PLD4: variants seen among roughly 807,000 people sequenced by gnomAD.
The protein encoded by PLD4 is 5'-3' exonuclease PLD4.
A neutral mutation model predicts 52.3 loss-of-function variants in PLD4; 54 were observed. The ratio of observed to expected loss-of-function variants is 1.03; its 90% CI spans 0.83 to 1.30. PLD4 has a LOEUF of 1.30. PLD4 is among the 50% of genes most tolerant of loss of function. PLD4 has a pLI of 0.00. For missense variants in PLD4, 731 were observed against 671.1 expected, an observed-to-expected ratio of 1.09 and a Z score of -0.99; for synonymous variants, 264 against 286.5, an observed-to-expected ratio of 0.92 and a Z score of 0.79.
At chr14:104,926,224 C>T (rs974348158) in intron 1 of PLD4, among the ~76,000 whole-genome samples, 1 of 152,202 alleles carries the variant, frequency 6.6e-6, no homozygotes, top group Non-Finnish European at 1.5e-5. Context: ...GGCCAGCCAG[C>T]TCCTGCCCTG....
chr14:104,927,988 C>A, intron 3 of PLD4, 122 bp downstream of exon 3: 1 of 1,148,476 alleles, frequency 8.7e-7, no homozygotes, highest in Non-Finnish European at 1.2e-6. Flanking sequence ...CAGGAAGGTG[C>A]AGGTCACCAG....
Position 104,932,308 on chromosome 14 carries a change from G to C in PLD4, c.1274G>C (p.Arg425Thr). The C allele has an allele frequency of 6.2e-7, 1 of 1,612,742 alleles. No individual in the cohort carries two copies. Among genetic ancestry groups the C allele is most frequent in the Non-Finnish European group, 8.5e-7 (1 of 1,179,870 alleles). ...VGNHSNIPFS[R>T]VNHSKFMVTE... Reference sequence around the variant, plus strand: ...AACCATTCCAACATCCCATTCAGCAGGGTGAACCACAGCAAGTTCATGGTC... The same window carrying C: ...AACCATTCCAACATCCCATTCAGCACGGTGAACCACAGCAAGTTCATGGTC... The change falls in exon 10 of 11, where the codon AGG becomes ACG. Residue 425 changes from arginine (R) to threonine (T), a missense_variant. Arg to Thr is a moderately conservative substitution (Grantham distance 71). Transcript: ENST00000392593. This position sits in a 1 kb window ranked among gnomAD's most constrained non-coding sequence, Gnocchi z 6.5.
chr14:104,926,479 G>A (rs1897459923), intron 1 of PLD4, among the ~76,000 whole-genome samples: 1 of 152,168 alleles, frequency 6.6e-6, no homozygotes, highest in Non-Finnish European at 1.5e-5. Flanking sequence ...GCGAGTCCCT[G>A]CAGCAGAGGA....
rs928173825 is a variant in PLD4 at position 104,932,156 on chromosome 14, G to A, written c.1203G>A (p.Ala401=). 1.2e-5 allele frequency: 20 copies of A among 1,611,016 alleles called. No individual in the cohort carries two copies. Among genetic ancestry groups the A allele is most frequent in the African/African-American group, 2.7e-5 (2 of 74,894 alleles). The change falls in exon 9 of 11, where the codon GCG becomes GCA. Residue 401 remains alanine (A), a synonymous_variant. Coordinates refer to ENST00000392593, the MANE Select transcript of PLD4 (RefSeq NM_138790.5). The surrounding 1 kb of genome is among the most constrained non-coding windows in gnomAD (Gnocchi z 6.5). ...CCCTGCAGGCGCTCAGCAACCCCGC[G>A]GCCAACGTCTCTGTGGACGTGGTGA... ...LRSLQALSNP[A]ANVSVDVKVF... is the part of the protein sequence containing the mutation.
Position 104,930,048 on chromosome 14 carries a change from G to T in PLD4, c.660G>T (p.Val220=). 1 of 1,613,644 alleles carries T rather than the reference G, an allele frequency of 6.2e-7. No homozygotes were observed. The highest frequency in any genetic ancestry group is 2.2e-5 in the East Asian group (1 of 44,886). The stretch of plus-strand genomic sequence containing the variant: ...TTTTGCACTCCAAATTCTGGGTTGT[G>T]GATGGACGGCACATATACATGGGCA... The part of the protein sequence containing the change: ...RGVLHSKFWV[V]DGRHIYMGSA... The change falls in exon 6 of 11, where the codon GTG becomes GTT. Residue 220 remains valine (V), a synonymous_variant. Transcript: ENST00000392593.
chr14:104,926,253 G>T (rs563681110), intron 1 of PLD4, among the ~76,000 whole-genome samples: 6 of 152,324 alleles, frequency 3.9e-5, no homozygotes, highest in Admixed American at 1.3e-4. Context: ...CTCAGTCAGA[G>T]GCTGGCCAGC....
chr14:104,932,857 A>G lies in PLD4; in HGVS notation c.1414A>G (p.Thr472Ala), dbSNP rs1348529745. The G allele has an allele frequency of 6.2e-7, 1 of 1,604,946 alleles. No individual in the cohort carries two copies. Residue 472 changes from threonine (T) to alanine (A), a missense_variant, in exon 11 of 11, where the codon ACG becomes GCG. Coordinates refer to ENST00000392593, the MANE Select transcript of PLD4 (RefSeq NM_138790.5). This position sits in a 1 kb window ranked among gnomAD's most constrained non-coding sequence, Gnocchi z 6.5. ...QSPGAQPAGA[T>A]VQEQLRQLFE... ...CCCTGGCGCGCAGCCCGCGGGGGCC[A>G]CGGTGCAGGAGCAGCTGCGGCAGCT...
rs748118744 is a variant in PLD4 at position 104,932,274 on chromosome 14, C to A, written c.1240C>A (p.Pro414Thr). The change falls in exon 10 of 11, where the codon CCG (proline) becomes ACG (threonine). Residue 414 changes from proline (P) to threonine (T), a missense_variant. Transcript: ENST00000392593. The surrounding 1 kb of genome is among the most constrained non-coding windows in gnomAD (Gnocchi z 6.5). Reference sequence around the variant, plus strand: ...CTCCCCTAAGAAAGTCTTCATCGTGCCGGTGGGGAACCATTCCAACATCCC... The same window carrying A: ...CTCCCCTAAGAAAGTCTTCATCGTGACGGTGGGGAACCATTCCAACATCCC... ...VSVDVKVFIV[P>T]VGNHSNIPFS... The A allele has an allele frequency of 6.2e-7, 1 of 1,612,726 alleles. No individual in the cohort carries two copies. The highest frequency in any genetic ancestry group is 8.5e-7 in the Non-Finnish European group (1 of 1,179,864).
rs747451776 is a variant in PLD4 at position 104,927,243 on chromosome 14, G to T, written c.90+13G>T. On this transcript the variant is annotated intron_variant, in intron 2 of 10. Coordinates refer to ENST00000392593, the MANE Select transcript of PLD4 (RefSeq NM_138790.5). ...AGAGGCTGGCACGGTAGGACTGGGG[G>T]GCCCCAGGGGGGAGGTGGCTGGGAT... 1 of 1,530,974 alleles carries T rather than the reference G, an allele frequency of 6.5e-7. No homozygotes were observed. The highest frequency in any genetic ancestry group is 1.2e-5 in the South Asian group (1 of 82,600). 94.8% of individuals were successfully genotyped at this position (1,530,974 alleles called of 1,614,324 possible). A position where few individuals can be genotyped will look rare whatever the true frequency, so the allele number is the denominator to read the frequency against.
Position 104,932,416 on chromosome 14 carries a change from C to T in PLD4, c.1321+61C>T. The T allele has an allele frequency of 1.3e-6, 2 of 1,551,088 alleles. No individual in the cohort carries two copies. The highest frequency in any genetic ancestry group is 2.2e-5 in the South Asian group (2 of 89,312). ...GGTGGCCAGGCACGGGCGAGGGAGGCACTGGCTTTGTGACCGGCGTGGACA... is the reference window on the plus strand; with the variant it reads ...GGTGGCCAGGCACGGGCGAGGGAGGTACTGGCTTTGTGACCGGCGTGGACA... On this transcript the variant is annotated intron_variant, in intron 10 of 10. Coordinates refer to ENST00000392593, the MANE Select transcript of PLD4 (RefSeq NM_138790.5). The surrounding 1 kb of genome is among the most constrained non-coding windows in gnomAD (Gnocchi z 6.5).
At chr14:104,927,035 T>A (rs970235687) in intron 1 of PLD4, 106 bp from the exon 2 acceptor site, 62 of 1,005,468 alleles carry the variant, frequency 6.2e-5, no homozygotes, top group Non-Finnish European at 7.4e-5. Flanking sequence ...TGGGGGCTTA[T>A]GTGGGTGTCT....
At chr14:104,931,098 G>A (rs1897630265) in intron 7 of PLD4, among the ~76,000 whole-genome samples, 156 bp downstream of exon 7, 2 of 152,198 alleles carry the variant, frequency 1.3e-5, no homozygotes, top group African/African-American at 4.8e-5. Flanking sequence ...GCCCTGGGGT[G>A]AGCAGCAAGC....
At chr14:104,930,637 C>G in intron 6 of PLD4, 105 bp from the exon 7 acceptor site, 3 of 1,208,618 alleles carry the variant, frequency 2.5e-6, no homozygotes, top group South Asian at 2.7e-5. Context: ...GGGGACCAGT[C>G]GGGCAGGGAC....
chr14:104,929,225 C>A, intron 4 of PLD4, 82 bp from the exon 5 acceptor site: 1 of 1,541,316 alleles, frequency 6.5e-7, no homozygotes. Context: ...GGTGGGCCTC[C>A]TGAGGAGGAC....
intron 3 of PLD4, 39 bp downstream of exon 3, chr14:104,927,905 G>C (rs1454335164): frequency 5.4e-6 from 8 of 1,493,798 alleles, no homozygotes; most frequent in Non-Finnish European, 7.2e-6. Context: ...GCAGGTCTCA[G>C]TTTGGGGCTG....
At chr14:104,929,622 G>T (rs568572911) in intron 5 of PLD4, among the ~76,000 whole-genome samples, 195 bp downstream of exon 5, 1 of 152,196 alleles carries the variant, frequency 6.6e-6, no homozygotes, top group South Asian at 2.1e-4. Flanking sequence ...CTGGTTCCAC[G>T]GATCCAAAAG....
rs1897706832 is a variant in PLD4, at chr14:104,932,906, GCTACGCCGTC to G, written c.1464_1473del (p.Tyr489AlafsTer70). ...CTCTTTGAGCGGGACTGGAGTTCGCGCTACGCCGTCGGCCTGGACGGACAGGCTCCGGGCC... is the reference window on the plus strand; with the variant it reads ...CTCTTTGAGCGGGACTGGAGTTCGCGGGCCTGGACGGACAGGCTCCGGGCC... On this transcript the variant is annotated frameshift_variant, in exon 11 of 11. Coordinates refer to ENST00000392593, the MANE Select transcript of PLD4 (RefSeq NM_138790.5). LOFTEE classifies it high-confidence loss of function. This position sits in a 1 kb window ranked among gnomAD's most constrained non-coding sequence, Gnocchi z 6.5. The G allele has an allele frequency of 6.2e-7, 1 of 1,602,162 alleles. No homozygotes were observed. The highest frequency in any genetic ancestry group is 8.5e-7 in the Non-Finnish European group (1 of 1,175,522).
At chr14:104,930,294 G>A (rs1897600921) in intron 6 of PLD4, among the ~76,000 whole-genome samples, 189 bp downstream of exon 6, 1 of 152,200 alleles carries the variant, frequency 6.6e-6, no homozygotes, top group Admixed American at 6.5e-5. Context: ...CTGAATTCAT[G>A]CTGTGGAATC....
At chr14:104,931,046 C>A in intron 7 of PLD4, 104 bp downstream of exon 7, 2 of 1,324,676 alleles carry the variant, frequency 1.5e-6, no homozygotes, top group Non-Finnish European at 1.1e-6. Context: ...CCAGCAGCAT[C>A]AGCTGGGTCC....
Sources: gnomAD v4.1 joint callset for allele counts (sites outside exome capture counted in the v4.1 genomes callset) on GRCh38, gnomAD v4.1.1 for gene constraint, Gnocchi (gnomAD v3.1) non-coding constraint, MANE v1.5 for transcripts, NCBI Gene and HGNC (gene_info 2026-07-23, HGNC 2026-07-21) for gene names.